Variants in AIRE observed in about 807,000 individuals in gnomAD.
AIRE encodes autoimmune polyendocrinopathy candidiasis ectodermal dystrophy protein.
A neutral mutation model predicts 62.1 loss-of-function variants in AIRE; 52 were observed. The observed-to-expected ratio is 0.84, with a 90% CI of 0.67 to 1.06. AIRE has a LOEUF of 1.06. Among genes scored for constraint, AIRE ranks in the 50% least tolerant of loss-of-function variants. The probability of loss-of-function intolerance (pLI) is 0.00; values close to 1 mark genes in which losing one functional copy is unlikely to be tolerated. For synonymous variants in AIRE, 342 were observed against 321.6 expected (o/e 1.06, Z -0.68); for missense variants, 774 against 755.8 (o/e 1.02, Z -0.28).
intron 13 of AIRE, 46 bp downstream of exon 13, chr21:44,296,491 C>T (rs1369173506): frequency 1.9e-6 from 3 of 1,564,476 alleles, no homozygotes; most frequent in Admixed American, 1.7e-5. Flanking sequence ...TCCCCCTCCC[C>T]TGCCTCAGCC....
chr21:44,294,050 C>A, intron 11 of AIRE, 140 bp downstream of exon 11: 1 of 1,181,182 alleles, frequency 8.5e-7, no homozygotes, highest in Non-Finnish European at 1.2e-6. Flanking sequence ...TGCACCCCAC[C>A]CCACACCCAT....
At chr21:44,296,324 C>T in intron 12 of AIRE, 59 bp from the exon 13 acceptor site, 1 of 1,513,458 alleles carries the variant, frequency 6.6e-7, no homozygotes, top group African/African-American at 1.4e-5. Flanking sequence ...CCTGCGGCCT[C>T]TGTACCCCCA....
At position 44,296,385 on chromosome 21, in the gene AIRE, T is replaced by C; in HGVS notation, c.1506T>C (p.Asp502=). The C allele has an allele frequency of 6.2e-7, 1 of 1,612,266 alleles. No individual in the cohort carries two copies. Among genetic ancestry groups the C allele is most frequent in the East Asian group, 2.2e-5 (1 of 44,866 alleles). Residue 502 remains aspartate (D), a splice_region_variant and synonymous_variant, in exon 13 of 14, where the codon GAT becomes GAC. Coordinates refer to ENST00000291582, the MANE Select transcript of AIRE (RefSeq NM_000383.4). ...CTCTTCTCTTTACTGGGTTCCAGGA[T>C]GACACTGCCAGTCACGAGCCCGCTC... The part of the protein sequence containing the change: ...PARLAPGPAK[D]DTASHEPALH...
At position 44,293,311 on chromosome 21, in the gene AIRE, G is replaced by A. The variant is rs547957261; in HGVS notation, c.1278+136G>A. On this transcript the variant is annotated intron_variant, in intron 10 of 13. Transcript: ENST00000291582. The stretch of plus-strand genomic sequence containing the variant: ...GGAGGCACAGGGCCTGGGGCTGTGG[G>A]GGGAGCGTGGGGGGCTGCGGGGGGA... The A allele has an allele frequency of 8.6e-5, 70 of 817,524 alleles. 1 individual carries two copies. The highest frequency in any genetic ancestry group is 1.2e-4 in the Non-Finnish European group (67 of 538,712). The allele number at this position is 817,524 out of a possible 1,614,324, so 50.6% of individuals were successfully genotyped here.
intron 12 of AIRE, 52 bp downstream of exon 12, chr21:44,294,555 C>CCCA: frequency 1.1e-5 from 12 of 1,118,400 alleles, no homozygotes; most frequent in Non-Finnish European, 1.5e-5. Flanking sequence ...GTGGGGAACC[C>CCCA]CTTGGGTTGG....
chr21:44,286,902 T>A lies in AIRE; in HGVS notation c.308-76T>A. On this transcript the variant is annotated intron_variant, in intron 2 of 13. Transcript: ENST00000291582. This position sits in a 1 kb window ranked among gnomAD's most constrained non-coding sequence, Gnocchi z 6.0. Reference sequence around the variant, plus strand: ...CCAGGCCTCACCTGTCTGGCCAAGGTGTCCAGTTCTGGGGCCCACCCTACC... The same window carrying A: ...CCAGGCCTCACCTGTCTGGCCAAGGAGTCCAGTTCTGGGGCCCACCCTACC... 6.2e-7 allele frequency: 1 copy of A among 1,603,090 alleles called. No individual in the cohort carries two copies. The highest frequency in any genetic ancestry group is 1.1e-5 in the South Asian group (1 of 90,838).
chr21:44,289,680 G>A lies in AIRE; in HGVS notation c.676G>A (p.Val226Ile), dbSNP rs201667085. The A allele has an allele frequency of 6.2e-7, 1 of 1,612,786 alleles. No homozygotes were observed. The highest frequency in any genetic ancestry group is 8.5e-7 in the Non-Finnish European group (1 of 1,179,958). ...AGGCGGCTCCAAGAAGTGCATCCAG[G>A]TTGGCGGGGAGTTCTACACTCCCAG... ...ESGGSKKCIQ[V>I]GGEFYTPSKF... Residue 226 changes from valine to isoleucine, a missense_variant, in exon 6 of 14, where the codon GTT (valine) becomes ATT (isoleucine). This residue lies in a region of AIRE where 385 missense variants were observed against 396.0 expected (regional missense o/e 0.97). Transcript: ENST00000291582.
chr21:44,289,950 G>T (rs1490588740), intron 6 of AIRE, 38 bp from the exon 7 acceptor site: 1 of 1,605,076 alleles, frequency 6.2e-7, no homozygotes, highest in Non-Finnish European at 8.5e-7. Context: ...CCTCGCTGCT[G>T]AGGCTGCCCC....
chr21:44,288,823 C>A (rs995335319), intron 5 of AIRE: 1 of 241,938 alleles, frequency 4.1e-6, no homozygotes, highest in Non-Finnish European at 8.2e-6. Flanking sequence ...ACCAGGACAG[C>A]CTGTAGCATA....
At chr21:44,288,501 G>C (rs1190460314) in intron 5 of AIRE, 43 bp downstream of exon 5, 2 of 1,433,472 alleles carry the variant, frequency 1.4e-6, no homozygotes, top group South Asian at 2.3e-5. Flanking sequence ...GGGAGACCCA[G>C]GCTCCAAGAT....
At chr21:44,290,890 G>C in intron 7 of AIRE, 1 of 1,607,018 alleles carries the variant, frequency 6.2e-7, no homozygotes, top group Non-Finnish European at 8.5e-7. Flanking sequence ...GGATGGCCCC[G>C]GGGGGTGTCT....
chr21:44,295,566 G>C (rs963755375), intron 12 of AIRE, among the ~76,000 whole-genome samples: 1 of 152,196 alleles, frequency 6.6e-6, no homozygotes, highest in Non-Finnish European at 1.5e-5. Flanking sequence ...TCCCGCAGCG[G>C]GTACCTCGTC....
At chr21:44,290,487 C>G in intron 7 of AIRE, 13 of 965,744 alleles carry the variant, frequency 1.3e-5, no homozygotes, top group Non-Finnish European at 1.6e-5. Flanking sequence ...CAGATCTTGA[C>G]CACTTGGCAC....
rs915990448 is a variant in AIRE at position 44,297,908 on chromosome 21, A to G, written c.*181A>G. On this transcript the variant is annotated 3_prime_UTR_variant, in exon 14 of 14. Coordinates refer to ENST00000291582, the MANE Select transcript of AIRE (RefSeq NM_000383.4). This position sits in a 1 kb window ranked among gnomAD's most constrained non-coding sequence, Gnocchi z 4.8. ...CAGCCATCATGTGCCTGGAAATTAA[A>G]CCCTGCCCCACTTCTCTACTCTGGA... 7 of 646,696 alleles carry G rather than the reference A, an allele frequency of 1.1e-5. No individual in the cohort carries two copies. In the African/African-American group the frequency reaches 1.3e-4, roughly 12 times the overall value. 40.1% of individuals were successfully genotyped at this position (646,696 alleles called of 1,614,324 possible).
intron 10 of AIRE, 115 bp from the exon 11 acceptor site, chr21:44,293,674 T>C: frequency 1.3e-6 from 2 of 1,510,354 alleles, no homozygotes; most frequent in Non-Finnish European, 8.9e-7. Context: ...CACTTGCGCC[T>C]AGACCCGCCG....
At position 44,287,557 on chromosome 21, in the gene AIRE, C is replaced by T; in HGVS notation, c.504C>T (p.Ser168=). 1 of 1,559,072 alleles carries T rather than the reference C, an allele frequency of 6.4e-7. No homozygotes were observed. ...LKAKPPKKPE[S]SAEQQRLPLG... ...CCAAGCCCCCCAAGAAGCCGGAGAG[C>T]AGCGCAGAGCAGCAGCGCCTTCCAC... Residue 168 remains serine, a synonymous_variant, in exon 4 of 14, where the codon AGC becomes AGT. Coordinates refer to ENST00000291582, the MANE Select transcript of AIRE (RefSeq NM_000383.4). The surrounding 1 kb of genome is among the most constrained non-coding windows in gnomAD (Gnocchi z 4.3).
In AIRE at chr21:44,293,877, G is replaced by T; in HGVS notation, c.1367G>T (p.Arg456Leu). Reference protein sequence around the residue: ...CTHCAAAFHWRCHFPAGTSRP... With the variant: ...CTHCAAAFHWLCHFPAGTSRP... ...CACTGCGCCGCTGCCTTCCACTGGC[G>T]CTGCCACTTCCCAGCCGGCACCTCC... is the stretch of plus-strand genomic sequence containing the variant. The change falls in exon 11 of 14, where the codon CGC becomes CTC. Residue 456 changes from arginine to leucine, a missense_variant. Physicochemically the swap from Arg to Leu is moderately radical, Grantham distance 102. Transcript: ENST00000291582. 1 of 1,596,344 alleles carries T rather than the reference G, an allele frequency of 6.3e-7. No individual in the cohort carries two copies. Among genetic ancestry groups the T allele is most frequent in the South Asian group, 1.1e-5 (1 of 91,018 alleles).
At position 44,286,243 on chromosome 21, in the gene AIRE, C is replaced by G; in HGVS notation, c.132+105C>G. The G allele has an allele frequency of 7.9e-7, 1 of 1,259,572 alleles. No individual in the cohort carries two copies. The highest frequency in any genetic ancestry group is 1.1e-6 in the Non-Finnish European group (1 of 903,262). 78.0% of individuals were successfully genotyped at this position (1,259,572 alleles called of 1,614,324 possible). On this transcript the variant is annotated intron_variant, in intron 1 of 13. Transcript: ENST00000291582. This position sits in a 1 kb window ranked among gnomAD's most constrained non-coding sequence, Gnocchi z 6.0. ...CGCCCCTCCAGATCCCCAAGCCCCT[C>G]CAGCCTTCCCCAACTCCCTCCCCAC... is the stretch of plus-strand genomic sequence containing the variant.
At chr21:44,289,050 G>C (rs963952416) in intron 5 of AIRE, 1 of 164,848 alleles carries the variant, frequency 6.1e-6, no homozygotes, top group African/African-American at 2.4e-5. Flanking sequence ...AGCACAGCCA[G>C]GGCCCTGGTC....
Sources: gnomAD v4.1 joint callset for allele counts (sites outside exome capture counted in the v4.1 genomes callset) on GRCh38, gnomAD v4.1.1 for gene constraint, gnomAD v4.1.1 regional missense constraint, Gnocchi (gnomAD v3.1) non-coding constraint, MANE v1.5 for transcripts, NCBI Gene and HGNC (gene_info 2026-07-23, HGNC 2026-07-21) for gene names.